The following GNA14 variants were observed in gnomAD, a reference collection of about 807,000 sequenced individuals.
The protein encoded by GNA14 is G protein subunit alpha 14.
Under a neutral mutation model 42.0 loss-of-function variants are expected in GNA14, and 50 were observed. The observed-to-expected ratio is 1.19, with a 90% CI of 0.95 to 1.51. The LOEUF is 1.51. GNA14 is among the 40% of genes most tolerant of loss of function. The probability of loss-of-function intolerance (pLI) is 0.00; values close to 1 mark genes in which losing one functional copy is unlikely to be tolerated. For synonymous variants in GNA14, 173 were observed against 163.1 expected, an observed-to-expected ratio of 1.06 and a Z score of -0.46; for missense variants, 473 against 446.2, an observed-to-expected ratio of 1.06 and a Z score of -0.54.
intron 1 of GNA14, among the ~76,000 whole-genome samples, chr9:77,627,790 T>A (rs1017579000): frequency 1.3e-5 from 2 of 152,184 alleles, no homozygotes; most frequent in Non-Finnish European, 2.9e-5. Context: ...AATATCATAC[T>A]GAATGGGCAA....
At chr9:77,559,993 T>C (rs73460091) in intron 1 of GNA14, among the ~76,000 whole-genome samples, 6,646 of 152,230 alleles carry the variant, frequency 0.044, 156 homozygotes, top group South Asian at 0.055. Flanking sequence ...TATGTAATCC[T>C]CACCCATGGC....
chr9:77,498,392 A>G (rs1378490407), intron 2 of GNA14, among the ~76,000 whole-genome samples: 23 of 144,878 alleles, frequency 1.6e-4, no homozygotes, highest in South Asian at 4.3e-4. Flanking sequence ...AAAAAAAGAA[A>G]AAAAAGAAAA....
intron 1 of GNA14, among the ~76,000 whole-genome samples, chr9:77,588,725 C>T (rs955100285): frequency 1.3e-5 from 2 of 152,174 alleles, no homozygotes; most frequent in Non-Finnish European, 2.9e-5. Flanking sequence ...AGGTGACACT[C>T]TCCTACTGTC....
At chr9:77,474,077 C>A (rs531313105) in intron 2 of GNA14, among the ~76,000 whole-genome samples, 2 of 152,210 alleles carry the variant, frequency 1.3e-5, no homozygotes, top group African/African-American at 4.8e-5. Context: ...AGGCATAAAT[C>A]TTTTTGACCT....
intron 1 of GNA14, among the ~76,000 whole-genome samples, chr9:77,640,922 A>G (rs545669125): frequency 3.0e-4 from 45 of 149,724 alleles, no homozygotes; most frequent in African/African-American, 1.1e-3. Flanking sequence ...ACAGTGACAC[A>G]GGAGCCAGCT....
At chr9:77,450,065 G>A (rs1196177943) in intron 2 of GNA14, among the ~76,000 whole-genome samples, 1 of 152,200 alleles carries the variant, frequency 6.6e-6, no homozygotes, top group Non-Finnish European at 1.5e-5. Flanking sequence ...GATTCCGTGG[G>A]CTTATGCATC....
intron 2 of GNA14, among the ~76,000 whole-genome samples, chr9:77,485,064 C>T (rs576172890): frequency 9.9e-5 from 15 of 152,128 alleles, no homozygotes; most frequent in East Asian, 5.8e-4. Context: ...TGAAGTTTGC[C>T]GCATTGATTG....
chr9:77,492,491 A>T (rs139131561), intron 2 of GNA14, among the ~76,000 whole-genome samples: 180 of 152,244 alleles, frequency 1.2e-3, no homozygotes, highest in African/African-American at 4.0e-3. Context: ...GTAACAACTG[A>T]CATCCCGGAA....
intron 1 of GNA14, among the ~76,000 whole-genome samples, chr9:77,599,571 A>T (rs1358257157): frequency 6.6e-6 from 1 of 152,270 alleles, no homozygotes; most frequent in Non-Finnish European, 1.5e-5. Flanking sequence ...TTTGATAGTC[A>T]TACAGAAAAC....
chr9:77,487,232 T>G lies in GNA14; in HGVS notation c.309+41837A>C, dbSNP rs572689748. Among the ~76,000 whole-genome samples, 5 of 152,286 alleles carry G rather than the reference T, an allele frequency of 3.3e-5. No individual in the cohort carries two copies. In the South Asian group the frequency reaches 1.0e-3, roughly 32 times the overall value. ...ACAGTATGAGATTACATCATGCTAC[T>G]CAGAATGGTGTGCAATTTAAAGTCG... On this transcript the variant is annotated intron_variant, in intron 2 of 6. Coordinates refer to ENST00000341700, the MANE Select transcript of GNA14 (RefSeq NM_004297.4).
At chr9:77,442,878 T>C (rs1385000576) in intron 2 of GNA14, among the ~76,000 whole-genome samples, 2 of 152,190 alleles carry the variant, frequency 1.3e-5, no homozygotes, top group East Asian at 1.9e-4. Flanking sequence ...AGATCTGCCA[T>C]GCAAACACTA....
rs34368561 is a variant in GNA14, at chr9:77,623,216, C to CAAAAAAAAAAAAAAAAAAA, written c.124+24435_124+24453dup. Among the ~76,000 whole-genome samples, 3 of 26,854 alleles carry CAAAAAAAAAAAAAAAAAAA rather than the reference C, an allele frequency of 1.1e-4. 1 individual carries two copies. The highest frequency in any genetic ancestry group is 3.5e-3 in the South Asian group (1 of 286). The allele number at this position is 26,854 out of a possible 152,430, so 17.6% of individuals were successfully genotyped here. On this transcript the variant is annotated intron_variant, in intron 1 of 6. Transcript: ENST00000341700. Reference sequence around the variant, plus strand: ...TGGGCAAAAGAGTGAGACGCTGTCTCAAAAAAAAAAAAAAAAAAAAAAAAA... The same window carrying CAAAAAAAAAAAAAAAAAAA: ...TGGGCAAAAGAGTGAGACGCTGTCTCAAAAAAAAAAAAAAAAAAAAAAAAAAAAAAAAAAAAAAAAAAAA...
chr9:77,519,133 G>A (rs767974384), intron 2 of GNA14, among the ~76,000 whole-genome samples: 9 of 152,242 alleles, frequency 5.9e-5, no homozygotes, highest in East Asian at 3.9e-4. Flanking sequence ...AACAGAGGCC[G>A]GACAAGGTGG....
chr9:77,599,714 C>T (rs1301296167), intron 1 of GNA14, among the ~76,000 whole-genome samples: 5 of 152,122 alleles, frequency 3.3e-5, no homozygotes, highest in African/African-American at 1.2e-4. Context: ...TGCTGGGCAG[C>T]GCGCTGACAT....
intron 2 of GNA14, among the ~76,000 whole-genome samples, chr9:77,479,135 C>T (rs555449735): frequency 4.7e-4 from 72 of 152,114 alleles, no homozygotes; most frequent in African/African-American, 1.6e-3. Flanking sequence ...AGGTTTTCTT[C>T]TAGGGTTTTT....
intron 1 of GNA14, among the ~76,000 whole-genome samples, chr9:77,624,502 G>C (rs531980379): frequency 3.3e-5 from 5 of 152,158 alleles, no homozygotes; most frequent in Non-Finnish European, 7.4e-5. Flanking sequence ...GGGGTCGACA[G>C]ACACCTCATA....
intron 1 of GNA14, among the ~76,000 whole-genome samples, chr9:77,591,242 A>C (rs1239131371): frequency 6.6e-6 from 1 of 152,182 alleles, no homozygotes; most frequent in African/African-American, 2.4e-5. Context: ...GATTACAGGC[A>C]TGAGCCACCA....
chr9:77,448,252 A>G (rs1345060264), intron 2 of GNA14, among the ~76,000 whole-genome samples: 1 of 152,226 alleles, frequency 6.6e-6, no homozygotes, highest in Non-Finnish European at 1.5e-5. Context: ...ACCCTGCTAC[A>G]AACAGTCCCC....
At chr9:77,459,896 G>A (rs1836074550) in intron 2 of GNA14, among the ~76,000 whole-genome samples, 1 of 152,038 alleles carries the variant, frequency 6.6e-6, no homozygotes, top group Admixed American at 6.6e-5. Flanking sequence ...TGCCCATCCC[G>A]CTACCCCACT....
Sources: allele counts gnomAD v4.1 joint callset (sites outside exome capture counted in the v4.1 genomes callset), GRCh38; gene constraint gnomAD v4.1.1; transcripts MANE v1.5; gene names NCBI Gene and HGNC (gene_info 2026-07-23, HGNC 2026-07-21).